Variants in STON2 observed in about 807,000 individuals in gnomAD.
STON2 encodes stonin 2.
In STON2, 29 loss-of-function variants were observed where a neutral mutation model predicts 65.7. That is an observed-to-expected ratio of 0.44 (90% CI 0.33 to 0.60). The LOEUF is 0.60. Among genes scored for constraint, STON2 ranks in the 20% least tolerant of loss-of-function variants. The pLI, the probability that STON2 is intolerant of heterozygous loss-of-function variation, is 0.03. For synonymous variants in STON2, 404 were observed against 414.2 expected, an observed-to-expected ratio of 0.98 and a Z score of 0.30; for missense variants, 1,054 against 1,118.1, an observed-to-expected ratio of 0.94 and a Z score of 0.82.
chr14:81,398,535 G>C lies in STON2; in HGVS notation c.-153C>G, dbSNP rs1900446311. On this transcript the variant is annotated 5_prime_UTR_variant, in exon 2 of 8. Transcript: ENST00000614646. ...TGCCAAGGGCAGTACTCAGAATGTA[G>C]ACAGATCAGCCTCTCTTGCCGTTGG... The C allele has an allele frequency of 7.7e-6, 4 of 520,210 alleles. No homozygotes were observed. The highest frequency in any genetic ancestry group is 1.9e-5 in the African/African-American group (1 of 51,520). 32.2% of individuals were successfully genotyped at this position (520,210 alleles called of 1,614,324 possible).
At chr14:81,316,470 G>T (rs1467210377) in intron 5 of STON2, among the ~76,000 whole-genome samples, 2 of 152,160 alleles carry the variant, frequency 1.3e-5, no homozygotes, top group African/African-American at 4.8e-5. Flanking sequence ...TTCTTAGGAA[G>T]ATCAACTCAG....
intron 5 of STON2, among the ~76,000 whole-genome samples, chr14:81,284,833 T>C (rs1328714505): frequency 3.9e-5 from 6 of 152,182 alleles, no homozygotes; most frequent in Non-Finnish European, 5.9e-5. Flanking sequence ...GTTGAAGCCA[T>C]TGCTCATTAA....
intron 5 of STON2, among the ~76,000 whole-genome samples, chr14:81,284,924 G>C (rs976668572): frequency 1.3e-5 from 2 of 152,202 alleles, no homozygotes; most frequent in African/African-American, 4.8e-5. Flanking sequence ...ACAAAGCCCG[G>C]ATGACAACGC....
Position 81,416,896 on chromosome 14 carries a change from A to T in STON2, c.-199+10206T>A, listed in dbSNP as rs558252761. The stretch of plus-strand genomic sequence containing the variant: ...GCCAACACTCTCTATACCAAGAATA[A>T]CAAGGATTAGAGGAAAACAGAGCTC... On this transcript the variant is annotated intron_variant, in intron 2 of 8. Transcript: ENST00000553821. Among the ~76,000 whole-genome samples, 4 of 152,326 alleles carry T rather than the reference A, an allele frequency of 2.6e-5. No individual in the cohort carries two copies. The East Asian group carries it at 7.7e-4, about 29-fold the overall frequency.
rs114040174 is a variant in STON2, at chr14:81,276,316, C to T, written c.2581+585G>A. 9.9e-3 allele frequency among the ~76,000 whole-genome samples: 1,511 copies of T among 152,302 alleles called. 26 individuals carry two copies. The highest frequency in any genetic ancestry group is 0.035 in the African/African-American group (1,452 of 41,554). ...TATATTTTGTCTGCTAGACTTCTGG[C>T]CCTTTTAGAAATTCATGTCCTAGCT... On this transcript the variant is annotated intron_variant, in intron 6 of 7. Transcript: ENST00000614646.
At chr14:81,423,180 C>A (rs1348314706) in intron 2 of STON2, among the ~76,000 whole-genome samples, 1 of 152,168 alleles carries the variant, frequency 6.6e-6, no homozygotes, top group Non-Finnish European at 1.5e-5. Flanking sequence ...GTACACAAGT[C>A]ACCAACCAGG....
Position 81,267,278 on chromosome 14 carries a change from A to G in STON2, c.*1136T>C, listed in dbSNP as rs1894392757. ...CTTGGAATCAGAATATAATGTTCCC[A>G]ACATTAGAAAAATATGGCTTTTCCA... On this transcript the variant is annotated 3_prime_UTR_variant, in exon 8 of 8. Transcript: ENST00000614646. The G allele has an allele frequency of 1.0e-6, 1 of 985,422 alleles. No individual in the cohort carries two copies. Among genetic ancestry groups the G allele is most frequent in the Non-Finnish European group, 1.2e-6 (1 of 829,930 alleles). 61.0% of individuals were successfully genotyped at this position (985,422 alleles called of 1,614,324 possible).
At chr14:81,311,379 A>G (rs902641901) in intron 5 of STON2, among the ~76,000 whole-genome samples, 18 of 152,216 alleles carry the variant, frequency 1.2e-4, no homozygotes, top group African/African-American at 4.3e-4. Context: ...GAGAAGCACC[A>G]GATGTCACAA....
chr14:81,364,183 A>T (rs919930138), intron 4 of STON2, among the ~76,000 whole-genome samples: 8 of 152,180 alleles, frequency 5.3e-5, no homozygotes, highest in Non-Finnish European at 7.3e-5. Context: ...ATCTCTAGGG[A>T]TATCCTACTG....
chr14:81,393,601 A>G (rs944900686), intron 3 of STON2, among the ~76,000 whole-genome samples: 2 of 152,218 alleles, frequency 1.3e-5, no homozygotes, highest in Admixed American at 6.5e-5. Flanking sequence ...AATATGGATT[A>G]ATATTAATAC....
intron 2 of STON2, chr14:81,413,293 C>A (rs754337556): frequency 2.2e-6 from 3 of 1,377,426 alleles, no homozygotes; most frequent in Non-Finnish European, 2.9e-6. Flanking sequence ...GGACTGCAGC[C>A]TAAATTCCAA....
intron 5 of STON2, among the ~76,000 whole-genome samples, chr14:81,284,604 T>C (rs1342529532): frequency 6.6e-6 from 1 of 152,232 alleles, no homozygotes; most frequent in Non-Finnish European, 1.5e-5. Context: ...CAAGTGCTAA[T>C]GTAGAAGCTG....
chr14:81,315,172 ACT>A (rs1896572360), intron 5 of STON2, among the ~76,000 whole-genome samples: 1 of 152,102 alleles, frequency 6.6e-6, no homozygotes, highest in African/African-American at 2.4e-5. Flanking sequence ...TTTTACTATC[ACT>A]CTATTTGCTA....
rs369302985 is a variant in STON2 at position 81,371,064 on chromosome 14, T to A, written c.495A>T (p.Gly165=). ...TGAGCTGCAGATCTGTATACGAACA[T>A]CCAAAGCTAGGACTGCTGGTGTCTT... ...HSEDTSSPSF[G]CSYTDLQLIN... Residue 165 remains glycine, a synonymous_variant, in exon 4 of 8, where the codon GGA becomes GGT. Transcript: ENST00000614646. 3 of 1,613,932 alleles carry A rather than the reference T, an allele frequency of 1.9e-6. No homozygotes were observed. In the East Asian group the frequency reaches 6.7e-5, roughly 36 times the overall value.
At chr14:81,321,117 AT>A (rs1328795485) in intron 5 of STON2, among the ~76,000 whole-genome samples, 1 of 152,244 alleles carries the variant, frequency 6.6e-6, no homozygotes, top group Non-Finnish European at 1.5e-5. Flanking sequence ...TCCAAGATGC[AT>A]GCAGCGTGTC....
chr14:81,274,946 A>G (rs947845173), intron 6 of STON2, among the ~76,000 whole-genome samples: 3 of 152,008 alleles, frequency 2.0e-5, no homozygotes, highest in East Asian at 3.9e-4. Flanking sequence ...AACAAAAACA[A>G]AAAATAGTCT....
chr14:81,313,465 C>A (rs1896504870), intron 5 of STON2, among the ~76,000 whole-genome samples: 1 of 151,470 alleles, frequency 6.6e-6, no homozygotes, highest in East Asian at 1.9e-4. Context: ...CACAACTCTT[C>A]AGTCTCACAG....
intron 6 of STON2, among the ~76,000 whole-genome samples, chr14:81,271,959 C>G (rs895627796): frequency 3.3e-5 from 5 of 152,136 alleles, no homozygotes; most frequent in Non-Finnish European, 5.9e-5. Flanking sequence ...TAGAAAGTGG[C>G]AGAGCTAAAA....
At chr14:81,373,868 A>G (rs1025480266) in intron 3 of STON2, among the ~76,000 whole-genome samples, 6 of 152,004 alleles carry the variant, frequency 3.9e-5, no homozygotes, top group Non-Finnish European at 8.8e-5. Flanking sequence ...AATAACCACA[A>G]ATTTTTTCAC....
Sources: allele counts gnomAD v4.1 joint callset (sites outside exome capture counted in the v4.1 genomes callset), GRCh38; gene constraint gnomAD v4.1.1; transcripts MANE v1.5; gene names NCBI Gene and HGNC (gene_info 2026-07-23, HGNC 2026-07-21).